The following UNC5C variants were observed in gnomAD, a reference collection of about 807,000 sequenced individuals.
UNC5C encodes netrin receptor UNC5C.
In UNC5C, 47 loss-of-function variants were observed where a neutral mutation model predicts 99.8. That is an observed-to-expected ratio of 0.47 (90% confidence interval 0.37 to 0.60). The LOEUF is 0.60. Ranked by LOEUF, UNC5C falls within the 20% of genes least tolerant of loss-of-function variation. The pLI, the probability that UNC5C is intolerant of heterozygous loss-of-function variation, is 0.00. For synonymous variants in UNC5C, 487 were observed against 452.2 expected, an observed-to-expected ratio of 1.08 and a Z score of -0.98; for missense variants, 1,062 against 1,165.9, an observed-to-expected ratio of 0.91 and a Z score of 1.30.
At chr4:95,462,049 T>A (rs1265056171) in intron 1 of UNC5C, among the ~76,000 whole-genome samples, 1 of 152,188 alleles carries the variant, frequency 6.6e-6, no homozygotes, top group East Asian at 1.9e-4. Context: ...GGGTTTTTTT[T>A]TAGGTGAGTG....
At chr4:95,389,313 A>T (rs1745292904) in intron 1 of UNC5C, among the ~76,000 whole-genome samples, 1 of 152,190 alleles carries the variant, frequency 6.6e-6, no homozygotes, top group African/African-American at 2.4e-5. Context: ...TTTACTATTC[A>T]ATATTGAAAG....
chr4:95,533,093 AT>A (rs2149493458), intron 1 of UNC5C, among the ~76,000 whole-genome samples: 1 of 152,200 alleles, frequency 6.6e-6, no homozygotes, highest in South Asian at 2.1e-4. Context: ...TCATTTAATC[AT>A]TAAGTAACAA....
intron 1 of UNC5C, among the ~76,000 whole-genome samples, chr4:95,382,782 A>G (rs1388684410): frequency 2.0e-5 from 3 of 152,166 alleles, no homozygotes; most frequent in African/African-American, 4.8e-5. Flanking sequence ...TGCTTTATCA[A>G]TGCTTGGCTG....
At chr4:95,418,787 C>A (rs1746240071) in intron 1 of UNC5C, among the ~76,000 whole-genome samples, 1 of 152,152 alleles carries the variant, frequency 6.6e-6, no homozygotes, top group African/African-American at 2.4e-5. Flanking sequence ...AGATGATAAA[C>A]AATTACAGAG....
chr4:95,506,323 T>A (rs765062306), intron 1 of UNC5C, among the ~76,000 whole-genome samples: 2 of 152,074 alleles, frequency 1.3e-5, no homozygotes, highest in African/African-American at 4.8e-5. Flanking sequence ...GTTGCTTTCT[T>A]ATCTGCCTCA....
intron 1 of UNC5C, among the ~76,000 whole-genome samples, chr4:95,413,985 G>A (rs777385295): frequency 1.3e-5 from 2 of 152,206 alleles, no homozygotes; most frequent in Non-Finnish European, 2.9e-5. Flanking sequence ...CAAATGCAGA[G>A]CCAAATATGT....
chr4:95,217,568 A>G (rs1025737486), intron 9 of UNC5C, among the ~76,000 whole-genome samples: 1 of 152,250 alleles, frequency 6.6e-6, no homozygotes, highest in African/African-American at 2.4e-5. Flanking sequence ...TTGTTTGTCC[A>G]TTAAATAAAA....
intron 2 of UNC5C, among the ~76,000 whole-genome samples, chr4:95,304,555 C>T (rs895166466): frequency 1.3e-5 from 2 of 151,988 alleles, no homozygotes; most frequent in Non-Finnish European, 2.9e-5. Context: ...CCCCAGTCCC[C>T]ATATCTTTCT....
chr4:95,175,364 T>A (rs1176599267), intron 14 of UNC5C, among the ~76,000 whole-genome samples: 12 of 152,006 alleles, frequency 7.9e-5, no homozygotes, highest in African/African-American at 2.9e-4. Context: ...TTTGGCATGA[T>A]TTTGCAGTGG....
At chr4:95,240,219 G>A (rs1739279554) in intron 7 of UNC5C, among the ~76,000 whole-genome samples, 1 of 152,058 alleles carries the variant, frequency 6.6e-6, no homozygotes, top group African/African-American at 2.4e-5. Context: ...TACTGACCTT[G>A]TCCCTCTTGC....
intron 1 of UNC5C, among the ~76,000 whole-genome samples, chr4:95,400,152 T>A (rs1487443359): frequency 6.6e-6 from 1 of 152,160 alleles, no homozygotes; most frequent in African/African-American, 2.4e-5. Flanking sequence ...TCCCCTCTCT[T>A]TGCGTGCAGA....
chr4:95,358,017 A>T (rs1744269032), intron 1 of UNC5C, among the ~76,000 whole-genome samples: 2 of 152,150 alleles, frequency 1.3e-5, no homozygotes, highest in African/African-American at 4.8e-5. Flanking sequence ...ACTTGGTGCT[A>T]TCATAAACCA....
At chr4:95,203,029 G>A in intron 11 of UNC5C, 65 bp from the exon 12 acceptor site, 1 of 1,448,946 alleles carries the variant, frequency 6.9e-7, no homozygotes. Context: ...ACCAGGGATG[G>A]TGGTGAATGG....
chr4:95,194,641 C>A (rs1737302988), intron 12 of UNC5C, among the ~76,000 whole-genome samples: 1 of 152,154 alleles, frequency 6.6e-6, no homozygotes, highest in Non-Finnish European at 1.5e-5. Context: ...CCCTTTCTGA[C>A]CATAGCTGGA....
At position 95,206,738 on chromosome 4, in the gene UNC5C, C is replaced by T; in HGVS notation, c.1792G>A (p.Gly598Arg). ...ACGACTGGGCGGGTGAGCAGAGCTC[C>T]TGGGGGCCCACAGCTCACCACAGGG... ...LTPVVSCGPP[G>R]ALLTRPVVLT... Residue 598 changes from glycine to arginine, a missense_variant, in exon 11 of 16, where the codon GGA becomes AGA. Physicochemically the swap from Gly to Arg is moderately radical, Grantham distance 125. Transcript: ENST00000453304. 1.2e-6 allele frequency: 2 copies of T among 1,613,680 alleles called. No homozygotes were observed. The highest frequency in any genetic ancestry group is 4.5e-5 in the East Asian group (2 of 44,870).
chr4:95,317,134 A>G (rs984623858), intron 2 of UNC5C, among the ~76,000 whole-genome samples: 3 of 152,188 alleles, frequency 2.0e-5, no homozygotes, highest in African/African-American at 7.2e-5. Flanking sequence ...TTTCTGGTTC[A>G]GAGGATTTAC....
chr4:95,480,912 G>A (rs1476768944), intron 1 of UNC5C, among the ~76,000 whole-genome samples: 1 of 151,338 alleles, frequency 6.6e-6, no homozygotes, highest in Non-Finnish European at 1.5e-5. Context: ...ACACTGAATG[G>A]GCAAAAACTG....
chr4:95,242,282 A>C (rs1047399371), intron 7 of UNC5C, 147 bp downstream of exon 7: 2 of 1,215,800 alleles, frequency 1.6e-6, no homozygotes, highest in Non-Finnish European at 2.2e-6. Flanking sequence ...CGCTTTTTCC[A>C]ATTTTGAGAG....
chr4:95,240,332 C>T (rs1739283965), intron 7 of UNC5C, among the ~76,000 whole-genome samples: 1 of 152,094 alleles, frequency 6.6e-6, no homozygotes, highest in Admixed American at 6.5e-5. Context: ...CCCAGATACA[C>T]TAAACTAACT....
Sources: gnomAD v4.1 joint callset for allele counts (sites outside exome capture counted in the v4.1 genomes callset) on GRCh38, gnomAD v4.1.1 for gene constraint, MANE v1.5 for transcripts, NCBI Gene and HGNC (gene_info 2026-07-23, HGNC 2026-07-21) for gene names.